Variants in PRRC2B observed in about 807,000 individuals in gnomAD.
PRRC2B encodes proline rich coiled-coil 2B, also known as protein PRRC2B.
Under a neutral mutation model 242.3 loss-of-function variants are expected in PRRC2B, and 68 were observed. The ratio of observed to expected loss-of-function variants is 0.28; its 90% CI spans 0.23 to 0.34. PRRC2B has a LOEUF of 0.34. Among genes scored for constraint, PRRC2B ranks in the 10% least tolerant of loss-of-function variants. The pLI is 1.00. For missense variants in PRRC2B, 2,835 were observed against 2,954.8 expected (o/e 0.96, Z 0.94); for synonymous variants, 1,228 against 1,173.6 (o/e 1.05, Z -0.95).
intron 3 of PRRC2B, among the ~76,000 whole-genome samples, chr9:131,435,126 G>A (rs994410719): frequency 6.7e-6 from 1 of 149,692 alleles, no homozygotes; most frequent in African/African-American, 2.5e-5. Context: ...GGCGAAACCC[G>A]ATCTCTACTA....
chr9:131,494,406 C>G lies in PRRC2B; in HGVS notation c.6475C>G (p.Pro2159Ala). The change falls in exon 31 of 32, where the codon CCT becomes GCT. Residue 2159 changes from proline to alanine, a missense_variant and splice_region_variant. Physicochemically the swap from Pro to Ala is conservative, Grantham distance 27. Around this residue, in one of 7 missense-constraint regions of PRRC2B, gnomAD observed 574 missense variants for 626.0 expected, o/e 0.92. Coordinates refer to ENST00000683519, the MANE Select transcript of PRRC2B (RefSeq NM_013318.4). This position sits in a 1 kb window ranked among gnomAD's most constrained non-coding sequence, Gnocchi z 4.3. ...AACCCCTGCCTTTGGTTTTTTCAGGCCTAGCTCTGCTAGCCCCAGTGGGAA... is the reference window on the plus strand; with the variant it reads ...AACCCCTGCCTTTGGTTTTTTCAGGGCTAGCTCTGCTAGCCCCAGTGGGAA... Reference protein sequence around the residue: ...GPVPSPQTYRPSSASPSGKPS... With the variant: ...GPVPSPQTYRASSASPSGKPS... 6.3e-7 allele frequency: 1 copy of G among 1,582,414 alleles called. No homozygotes were observed. The highest frequency in any genetic ancestry group is 8.6e-7 in the Non-Finnish European group (1 of 1,158,794).
intron 12 of PRRC2B, among the ~76,000 whole-genome samples, chr9:131,465,571 A>T (rs56132117): frequency 6.6e-6 from 1 of 152,228 alleles, no homozygotes; most frequent in Non-Finnish European, 1.5e-5. Context: ...GATACTCATC[A>T]TCGTCACTAT....
chr9:131,443,866 T>C (rs544705424), intron 5 of PRRC2B, among the ~76,000 whole-genome samples: 1 of 152,302 alleles, frequency 6.6e-6, no homozygotes, highest in South Asian at 2.1e-4. Context: ...TGCTTGTCTG[T>C]GGCCCCAGGC....
intron 1 of PRRC2B, among the ~76,000 whole-genome samples, chr9:131,422,766 C>G (rs1418771236): frequency 1.3e-5 from 2 of 152,308 alleles, no homozygotes; most frequent in East Asian, 3.9e-4. Context: ...GCGAATCTTT[C>G]TGGTTGTTTT....
At chr9:131,459,504 ATGTT>A in intron 11 of PRRC2B, 148 bp downstream of exon 11, 1 of 768,104 alleles carries the variant, frequency 1.3e-6, no homozygotes, top group Non-Finnish European at 2.0e-6. Context: ...GGGTCTCACT[ATGTT>A]GCCCAGGCTT....
chr9:131,443,382 C>T (rs1008523453), intron 5 of PRRC2B, among the ~76,000 whole-genome samples: 15 of 151,722 alleles, frequency 9.9e-5, no homozygotes, highest in African/African-American at 2.9e-4. Flanking sequence ...ATGATCCGCC[C>T]GCGTCGGCCT....
intron 1 of PRRC2B, among the ~76,000 whole-genome samples, chr9:131,374,058 C>CAAAA (rs533611596): frequency 1.1e-5 from 1 of 87,966 alleles, no homozygotes; most frequent in Non-Finnish European, 2.3e-5. Flanking sequence ...GACTCCGTCT[C>CAAAA]AAAAAAAAAA....
rs1315521432 is a variant in PRRC2B at position 131,436,736 on chromosome 9, C to A, written c.396+14C>A. ...ATCAGTCAGGAGGTAGGTGCTGGGA[C>A]CCCATCCCAACTGTTTCCTGGGCAT... On this transcript the variant is annotated intron_variant, in intron 4 of 31. Transcript: ENST00000683519. The A allele has an allele frequency of 2.5e-6, 4 of 1,600,326 alleles. No homozygotes were observed. Among genetic ancestry groups the A allele is most frequent in the Non-Finnish European group, 3.4e-6 (4 of 1,168,508 alleles).
intron 3 of PRRC2B, among the ~76,000 whole-genome samples, chr9:131,434,447 T>C (rs1368146536): frequency 6.6e-6 from 1 of 152,192 alleles, no homozygotes; most frequent in Non-Finnish European, 1.5e-5. Flanking sequence ...TAGACCCCCG[T>C]GTAGTTCTCT....
At chr9:131,478,004 G>A in intron 17 of PRRC2B, 55 bp downstream of exon 17, 2 of 1,520,176 alleles carry the variant, frequency 1.3e-6, no homozygotes, top group Non-Finnish European at 1.8e-6. Flanking sequence ...CAGGGGCCAT[G>A]CAGTCCTCGG....
Position 131,430,196 on chromosome 9 carries a change from T to C in PRRC2B, c.52T>C (p.Tyr18His), listed in dbSNP as rs774345551. 6.2e-7 allele frequency: 1 copy of C among 1,608,326 alleles called. No homozygotes were observed. Among genetic ancestry groups the C allele is most frequent in the African/African-American group, 1.3e-5 (1 of 74,732 alleles). Residue 18 changes from tyrosine to histidine, a missense_variant, in exon 2 of 32, where the codon TAC becomes CAC. Physicochemically the swap from Tyr to His is moderately conservative, Grantham distance 83. This residue lies in a region of PRRC2B where 626 missense variants were observed against 685.5 expected (regional missense o/e 0.91). Coordinates refer to ENST00000683519, the MANE Select transcript of PRRC2B (RefSeq NM_013318.4). ...ITKGKDGKSK[Y>H]STLSLFDKYK... ...CAAGGGCAAGGATGGGAAAAGCAAG[T>C]ACTCGACTCTCAGCCTGTTTGATAA...
chr9:131,420,437 T>C (rs1050508050), intron 1 of PRRC2B, among the ~76,000 whole-genome samples: 2 of 123,748 alleles, frequency 1.6e-5, no homozygotes, highest in East Asian at 4.4e-4. Flanking sequence ...CTTTTCTTTT[T>C]TCTTTTTCTT....
intron 1 of PRRC2B, among the ~76,000 whole-genome samples, chr9:131,382,790 G>T: frequency 6.6e-6 from 1 of 151,820 alleles, no homozygotes; most frequent in East Asian, 1.9e-4. Flanking sequence ...GATTATAGGT[G>T]TGCACCACCA....
At chr9:131,383,150 C>G (rs1473645722) in intron 1 of PRRC2B, among the ~76,000 whole-genome samples, 1 of 152,178 alleles carries the variant, frequency 6.6e-6, no homozygotes, top group Non-Finnish European at 1.5e-5. Context: ...CTCAAAAGCA[C>G]CTGCACCGAG....
At chr9:131,476,966 A>G (rs10751479) in intron 16 of PRRC2B, among the ~76,000 whole-genome samples, 148,677 of 152,316 alleles carry the variant, frequency 0.98, 72,669 homozygotes, top group East Asian at 1. Context: ...CTCTTCCTAG[A>G]TGGTTCTGCT....
chr9:131,456,216 T>C lies in PRRC2B; in HGVS notation c.1211+1050T>C, dbSNP rs200206190. Among the ~76,000 whole-genome samples the C allele has an allele frequency of 6.3e-3, 928 of 147,268 alleles. 9 individuals carry two copies. The highest frequency in any genetic ancestry group is 0.018 in the Middle Eastern group (5 of 278). ...TGACCATGTTAATTTTGTCTCTTTT[T>C]TTTTTTTTTTTTTTGGATCATTTCC... On this transcript the variant is annotated intron_variant, in intron 10 of 31. Transcript: ENST00000683519.
At chr9:131,395,178 AG>A (rs921470965) in intron 1 of PRRC2B, among the ~76,000 whole-genome samples, 1 of 151,930 alleles carries the variant, frequency 6.6e-6, no homozygotes, top group Non-Finnish European at 1.5e-5. Flanking sequence ...AAGTGGGAGA[AG>A]GGGGGCTGGG....
intron 1 of PRRC2B, among the ~76,000 whole-genome samples, chr9:131,402,722 C>T (rs1324863791): frequency 6.6e-6 from 1 of 152,030 alleles, no homozygotes. Flanking sequence ...GTAGCTGACT[C>T]GAAATAAGCA....
intron 1 of PRRC2B, among the ~76,000 whole-genome samples, chr9:131,429,866 C>G (rs1482997246): frequency 1.3e-5 from 2 of 151,898 alleles, no homozygotes; most frequent in African/African-American, 4.8e-5. Context: ...GGGGGGTACT[C>G]CACAGATCGC....
Sources: gnomAD v4.1 joint callset for allele counts (sites outside exome capture counted in the v4.1 genomes callset) on GRCh38, gnomAD v4.1.1 for gene constraint, gnomAD v4.1.1 regional missense constraint, Gnocchi (gnomAD v3.1) non-coding constraint, MANE v1.5 for transcripts, NCBI Gene and HGNC (gene_info 2026-07-23, HGNC 2026-07-21) for gene names.